The following FAM124A variants were observed in gnomAD, a reference collection of about 807,000 sequenced individuals.
FAM124A encodes the protein family with sequence similarity 124 member A.
Under a neutral mutation model 24.5 loss-of-function variants are expected in FAM124A, and 23 were observed. That is an observed-to-expected ratio of 0.94 (90% CI 0.68 to 1.33). The LOEUF (loss-of-function observed/expected upper bound fraction) is 1.33. Ranked by LOEUF, FAM124A falls within the 40% of genes most tolerant of loss-of-function variation. The pLI is 0.00. For synonymous variants in FAM124A, 287 were observed against 314.7 expected, an observed-to-expected ratio of 0.91 and a Z score of 0.93; for missense variants, 623 against 722.8, an observed-to-expected ratio of 0.86 and a Z score of 1.58.
chr13:51,270,093 C>A (rs1447233664), intron 3 of FAM124A, among the ~76,000 whole-genome samples: 1 of 152,106 alleles, frequency 6.6e-6, no homozygotes, highest in Non-Finnish European at 1.5e-5. Flanking sequence ...GGGGTTCTGG[C>A]CTGTCTCTCT....
At chr13:51,246,319 G>A (rs1411232261) in intron 2 of FAM124A, among the ~76,000 whole-genome samples, 1 of 146,034 alleles carries the variant, frequency 6.8e-6, no homozygotes, top group East Asian at 2.1e-4. Flanking sequence ...GACTTTTCGT[G>A]GCAATTAATT....
chr13:51,245,283 GC>G (rs1954544963), intron 2 of FAM124A: 5 of 626,336 alleles, frequency 8.0e-6, no homozygotes, highest in East Asian at 5.9e-5. Flanking sequence ...AAATCTGGCC[GC>G]CCCCCACTTT....
intron 3 of FAM124A, among the ~76,000 whole-genome samples, chr13:51,276,630 C>G (rs1003651968): frequency 2.0e-5 from 3 of 152,154 alleles, no homozygotes; most frequent in Non-Finnish European, 4.4e-5. Flanking sequence ...CAGGCTTTGC[C>G]CATGGCCAGC....
chr13:51,261,954 G>A (rs180726514), intron 3 of FAM124A, among the ~76,000 whole-genome samples: 164 of 152,352 alleles, frequency 1.1e-3, no homozygotes, highest in Middle Eastern at 3.4e-3. Context: ...GAACCAGAGG[G>A]TCCCTGTGCC....
intron 3 of FAM124A, among the ~76,000 whole-genome samples, chr13:51,262,549 G>A (rs1954747077): frequency 6.6e-6 from 1 of 151,802 alleles, no homozygotes; most frequent in Non-Finnish European, 1.5e-5. Flanking sequence ...CAAAAATGTA[G>A]GAAAAGAACA....
chr13:51,222,893 C>A (rs1954276287), intron 1 of FAM124A, among the ~76,000 whole-genome samples: 1 of 152,222 alleles, frequency 6.6e-6, no homozygotes, highest in African/African-American at 2.4e-5. Flanking sequence ...TTCCTCCTTC[C>A]TCGGGGACTT....
chr13:51,259,728 G>A (rs1399279694), intron 3 of FAM124A, among the ~76,000 whole-genome samples: 3 of 152,178 alleles, frequency 2.0e-5, no homozygotes, highest in Admixed American at 1.3e-4. Flanking sequence ...GCCAGCGCAC[G>A]GCAGCTGCCC....
At chr13:51,274,551 T>G (rs1954868206) in intron 3 of FAM124A, among the ~76,000 whole-genome samples, 1 of 152,216 alleles carries the variant, frequency 6.6e-6, no homozygotes, top group Non-Finnish European at 1.5e-5. Context: ...TATCATTAGA[T>G]GTTGCTACTG....
At chr13:51,226,578 G>A (rs1323533053) in intron 1 of FAM124A, among the ~76,000 whole-genome samples, 3 of 152,052 alleles carry the variant, frequency 2.0e-5, no homozygotes, top group Non-Finnish European at 2.9e-5. Flanking sequence ...TTATTTTCTC[G>A]CAGCAATGCT....
rs1329681206 is a variant in FAM124A, at chr13:51,251,464, C to T, written c.101-4C>T. ...TCATCCATTCGTTTTTTGCGTGCCCCCAGGTGAGCTTTCCGTTGAAGAGGC... is the reference window on the plus strand; with the variant it reads ...TCATCCATTCGTTTTTTGCGTGCCCTCAGGTGAGCTTTCCGTTGAAGAGGC... On this transcript the variant is annotated splice_polypyrimidine_tract_variant and splice_region_variant and intron_variant, in intron 2 of 3. Coordinates refer to ENST00000322475, the MANE Select transcript of FAM124A (RefSeq NM_001242312.2). This position sits in a 1 kb window ranked among gnomAD's most constrained non-coding sequence, Gnocchi z 5.3. 6.7e-7 allele frequency: 1 copy of T among 1,497,922 alleles called. No individual in the cohort carries two copies. The allele number at this position is 1,497,922 out of a possible 1,614,324, so 92.8% of individuals were successfully genotyped here. A position where few individuals can be genotyped will look rare whatever the true frequency, so the allele number is the denominator to read the frequency against.
At position 51,281,168 on chromosome 13, in the gene FAM124A, C is replaced by T. The variant is rs183181635; in HGVS notation, c.1553C>T (p.Pro518Leu). The change falls in exon 4 of 4, where the codon CCC becomes CTC. Residue 518 changes from proline (P) to leucine (L), a missense_variant. Transcript: ENST00000322475. ...DSSPQLPCDT[P>L]KVKQTDGDMP... ...TCCCCACAGCTCCCATGCGATACCC[C>T]CAAAGTCAAGCAGACTGATGGAGAC... 92 of 1,613,780 alleles carry T rather than the reference C, an allele frequency of 5.7e-5. No individual in the cohort carries two copies. In the East Asian group the frequency reaches 1.7e-3, roughly 30 times the overall value.
At chr13:51,278,145 C>T (rs1954901507) in intron 3 of FAM124A, among the ~76,000 whole-genome samples, 1 of 152,210 alleles carries the variant, frequency 6.6e-6, no homozygotes, top group Non-Finnish European at 1.5e-5. Flanking sequence ...GGAACGAGTA[C>T]ATCGCTGCTG....
At chr13:51,253,457 T>C (rs533587465) in intron 3 of FAM124A, 1 of 152,374 alleles carries the variant, frequency 6.6e-6, no homozygotes, top group East Asian at 1.9e-4. Context: ...TATTATTCAA[T>C]ATGCTAGCAT....
intron 3 of FAM124A, among the ~76,000 whole-genome samples, chr13:51,267,307 A>G (rs1566173201): frequency 6.6e-6 from 1 of 152,240 alleles, no homozygotes; most frequent in Non-Finnish European, 1.5e-5. Context: ...TTGTGTTTAC[A>G]TAATATATAT....
At chr13:51,277,657 G>A (rs748247930) in intron 3 of FAM124A, among the ~76,000 whole-genome samples, 1 of 152,184 alleles carries the variant, frequency 6.6e-6, no homozygotes, top group Non-Finnish European at 1.5e-5. Flanking sequence ...AGCCGGGTGT[G>A]GTGGCACGTG....
At chr13:51,252,351 C>A in intron 3 of FAM124A, 150 bp downstream of exon 3, 2 of 1,091,180 alleles carry the variant, frequency 1.8e-6, no homozygotes, top group Non-Finnish European at 2.5e-6. Flanking sequence ...TCAAAGTGGC[C>A]ATACAGGATC....
Position 51,254,949 on chromosome 13 carries a change from GA to G in FAM124A, c.834+2754del, listed in dbSNP as rs553934712. ...ACATTTGTATAAGCAGCACACAGAT[GA>G]AAAAACAGAACAGAGACAGAAACCA... On this transcript the variant is annotated intron_variant, in intron 3 of 3. Coordinates refer to ENST00000322475, the MANE Select transcript of FAM124A (RefSeq NM_001242312.2). Among the ~76,000 whole-genome samples the G allele has an allele frequency of 1.1e-4, 16 of 152,106 alleles. No homozygotes were observed. In the East Asian group the frequency reaches 2.9e-3, roughly 28 times the overall value.
intron 3 of FAM124A, among the ~76,000 whole-genome samples, chr13:51,277,220 TCAGAAA>T (rs1376474379): frequency 4.6e-5 from 7 of 151,052 alleles, no homozygotes; most frequent in African/African-American, 1.7e-4. Flanking sequence ...ATGAAATAAC[TCAGAAA>T]CAGAAAGTCA....
intron 3 of FAM124A, among the ~76,000 whole-genome samples, chr13:51,265,979 A>T (rs1429896279): frequency 6.6e-6 from 1 of 152,242 alleles, no homozygotes; most frequent in Non-Finnish European, 1.5e-5. Flanking sequence ...ATTATATTAC[A>T]TATATACTCA....
Sources: gnomAD v4.1 joint callset for allele counts (sites outside exome capture counted in the v4.1 genomes callset) on GRCh38, gnomAD v4.1.1 for gene constraint, Gnocchi (gnomAD v3.1) non-coding constraint, MANE v1.5 for transcripts, NCBI Gene and HGNC (gene_info 2026-07-23, HGNC 2026-07-21) for gene names.